The following POLK variants were observed in gnomAD, a reference collection of about 807,000 sequenced individuals.
POLK encodes the protein DNA polymerase kappa, also known as polymerase (DNA directed) kappa.
Under a neutral mutation model 94.0 loss-of-function variants are expected in POLK, and 76 were observed. That is an observed-to-expected ratio of 0.81 (90% CI 0.67 to 0.98). The LOEUF (loss-of-function observed/expected upper bound fraction) is 0.98. POLK is among the 50% of genes least tolerant of loss of function. POLK has a pLI of 0.00. For synonymous variants in POLK, 349 were observed against 325.4 expected (o/e 1.07, Z -0.78); for missense variants, 954 against 1,010.1 (o/e 0.94, Z 0.75).
chr5:75,590,508 T>C, intron 11 of POLK, 68 bp downstream of exon 11: 1 of 843,162 alleles, frequency 1.2e-6, no homozygotes, highest in East Asian at 2.4e-5. Context: ...CCTTAAAAGC[T>C]AGAGTTAGAT....
chr5:75,542,412 T>G (rs1363840568), intron 1 of POLK, among the ~76,000 whole-genome samples: 1 of 151,990 alleles, frequency 6.6e-6, no homozygotes, highest in Non-Finnish European at 1.5e-5. Context: ...GTAGATTAAT[T>G]CCAGGTGACT....
chr5:75,566,416 A>G (rs896309484), intron 3 of POLK, among the ~76,000 whole-genome samples: 1 of 152,202 alleles, frequency 6.6e-6, no homozygotes, highest in Non-Finnish European at 1.5e-5. Flanking sequence ...GGGGTATGAA[A>G]AAAAACTCCT....
rs749046974 is a variant in POLK, at chr5:75,547,162, GT to G, written c.135+8del. The stretch of plus-strand genomic sequence containing the variant: ...ATTATAATGGAAGCCACGAAGGTAT[GT>G]TTCTTGTTTCTTTTGATGTGTGTAA... On this transcript the variant is annotated splice_donor_region_variant and intron_variant, in intron 2 of 14. Coordinates refer to ENST00000241436, the Ensembl canonical transcript of POLK. 1 of 1,503,562 alleles carries G rather than the reference GT, an allele frequency of 6.7e-7. No homozygotes were observed. Among genetic ancestry groups the G allele is most frequent in the African/African-American group, 1.4e-5 (1 of 71,352 alleles). 93.1% of individuals were successfully genotyped at this position (1,503,562 alleles called of 1,614,324 possible).
intron 5 of POLK, among the ~76,000 whole-genome samples, chr5:75,574,574 C>T (rs953166313): frequency 2.0e-5 from 3 of 152,162 alleles, no homozygotes; most frequent in Non-Finnish European, 4.4e-5. Context: ...GTGTTTAAGA[C>T]TGCTGCCTGA....
At chr5:75,575,700 A>G (rs528037995) in intron 5 of POLK, among the ~76,000 whole-genome samples, 1 of 152,314 alleles carries the variant, frequency 6.6e-6, no homozygotes, top group East Asian at 1.9e-4. Flanking sequence ...AGCACATTAT[A>G]ACAAGAACAA....
At chr5:75,528,193 T>G (rs1229971641) in intron 1 of POLK, among the ~76,000 whole-genome samples, 26 of 152,034 alleles carry the variant, frequency 1.7e-4, no homozygotes, top group Admixed American at 1.7e-3. Context: ...ACATTTATAC[T>G]CCATGTAAGT....
chr5:75,592,810 T>C (rs561419954), intron 11 of POLK, among the ~76,000 whole-genome samples: 1 of 151,968 alleles, frequency 6.6e-6, no homozygotes, highest in Non-Finnish European at 1.5e-5. Context: ...TCCCAGCACA[T>C]TGGGAAGCTG....
At chr5:75,511,891 G>A (rs1768033440) in exon 1 of POLK, 1 of 1,451,800 alleles carries the variant, frequency 6.9e-7, no homozygotes. Context: ...CCTGGGAGTT[G>A]TAGTCGCGAT....
chr5:75,527,101 C>T (rs1768897221), intron 1 of POLK, among the ~76,000 whole-genome samples: 2 of 152,030 alleles, frequency 1.3e-5, no homozygotes, highest in Admixed American at 6.6e-5. Flanking sequence ...TTAAATTTGG[C>T]TTTTTATATA....
chr5:75,608,499 A>G, the POLK span, among the ~76,000 whole-genome samples: 1 of 152,194 alleles, frequency 6.6e-6, no homozygotes, highest in African/African-American at 2.4e-5. Flanking sequence ...CTGGCCCAAC[A>G]AAGTTTTAAA....
chr5:75,540,499 A>G (rs574824043), intron 1 of POLK, among the ~76,000 whole-genome samples: 8 of 151,756 alleles, frequency 5.3e-5, no homozygotes, highest in African/African-American at 1.7e-4. Flanking sequence ...GGGTCTCACT[A>G]TGTTGCCCAG....
At position 75,569,493 on chromosome 5, in the gene POLK, G is replaced by C; in HGVS notation, c.408+1G>C. On this transcript the variant is annotated splice_donor_variant, in intron 4 of 14. Coordinates refer to ENST00000241436, the Ensembl canonical transcript of POLK. LOFTEE classifies it high-confidence loss of function. ...TGCTGTAGGATCAATGAGTATGCTG[G>C]TAAGTAAAGATCAAATACAAAAAGG... 6.2e-7 allele frequency: 1 copy of C among 1,604,422 alleles called. No individual in the cohort carries two copies. The highest frequency in any genetic ancestry group is 1.1e-5 in the South Asian group (1 of 88,844).
chr5:75,583,704 A>G (rs1772318783), intron 8 of POLK, among the ~76,000 whole-genome samples: 1 of 152,300 alleles, frequency 6.6e-6, no homozygotes, highest in African/African-American at 2.4e-5. Context: ...CAGTCCTTTC[A>G]TCTGTAACTT....
At chr5:75,539,494 TTTTC>T (rs1381521960) in intron 1 of POLK, among the ~76,000 whole-genome samples, 1 of 152,160 alleles carries the variant, frequency 6.6e-6, no homozygotes, top group Non-Finnish European at 1.5e-5. Flanking sequence ...AAATATTTCT[TTTTC>T]TTTCTTTTCT....
At chr5:75,545,131 C>CT (rs1167512883) in intron 1 of POLK, among the ~76,000 whole-genome samples, 1 of 152,198 alleles carries the variant, frequency 6.6e-6, no homozygotes, top group Non-Finnish European at 1.5e-5. Flanking sequence ...ATGATGTATA[C>CT]TTTTTTTCCT....
rs1290332894 is a variant in POLK at position 75,552,345 on chromosome 5, G to A, written c.136-127G>A. On this transcript the variant is annotated intron_variant, in intron 2 of 14. Coordinates refer to ENST00000241436, the Ensembl canonical transcript of POLK. ...AATTTTAGGGTCACCTAGCTAGTAA[G>A]TAGTAGAGCTAAGTTTTAAATTTAA... 6.6e-6 allele frequency: 5 copies of A among 752,572 alleles called. No individual in the cohort carries two copies. The African/African-American group carries it at 7.1e-5, about 11-fold the overall frequency. The allele number at this position is 752,572 out of a possible 1,614,324, so 46.6% of individuals were successfully genotyped here.
intron 3 of POLK, among the ~76,000 whole-genome samples, chr5:75,553,765 AT>A (rs1770448288): frequency 1.3e-5 from 2 of 152,238 alleles, no homozygotes; most frequent in Non-Finnish European, 2.9e-5. Flanking sequence ...GTTGTAAACC[AT>A]TAATATTTCC....
chr5:75,542,562 T>C (rs1297719208), intron 1 of POLK, among the ~76,000 whole-genome samples: 1 of 151,592 alleles, frequency 6.6e-6, no homozygotes, highest in African/African-American at 2.4e-5. Context: ...AAACAAAAGT[T>C]TGCCTTATAT....
At chr5:75,511,045 G>A (rs1767952118), upstream of POLK, 2 of 1,452,558 alleles carry the variant, frequency 1.4e-6, no homozygotes, top group Non-Finnish European at 1.8e-6. Flanking sequence ...CCACCCCACC[G>A]CCTCAGCGGA....
Sources: gnomAD v4.1 joint callset for allele counts (sites outside exome capture counted in the v4.1 genomes callset) on GRCh38, gnomAD v4.1.1 for gene constraint, MANE v1.5 for transcripts, NCBI Gene and HGNC (gene_info 2026-07-23, HGNC 2026-07-21) for gene names.